PAX2: variants seen among roughly 807,000 people sequenced by gnomAD.
PAX2 encodes the protein paired box protein Pax-2.
A neutral mutation model predicts 41.7 loss-of-function variants in PAX2; 9 were observed. The observed-to-expected ratio is 0.22, with a 90% confidence interval of 0.13 to 0.38. The LOEUF (loss-of-function observed/expected upper bound fraction) is 0.38. PAX2 is among the 10% of genes least tolerant of loss of function. The probability of loss-of-function intolerance (pLI) is 1.00; values close to 1 mark genes in which losing one functional copy is unlikely to be tolerated. For missense variants in PAX2, 418 were observed against 531.6 expected (o/e 0.79, Z 2.10); for synonymous variants, 221 against 212.7 (o/e 1.04, Z -0.34).
chr10:100,814,782 G>T (rs1328177023), intron 7 of PAX2, among the ~76,000 whole-genome samples: 1 of 152,228 alleles, frequency 6.6e-6, no homozygotes, highest in Non-Finnish European at 1.5e-5. Context: ...TCTCTTAATT[G>T]CTGAAGACTG....
chr10:100,781,412 C>G, intron 5 of PAX2, 47 bp downstream of exon 5: 1 of 1,608,596 alleles, frequency 6.2e-7, no homozygotes, highest in Non-Finnish European at 8.5e-7. Flanking sequence ...ATGCTTTGTC[C>G]TTGGACTCCA....
chr10:100,787,083 C>G (rs1846899052), intron 5 of PAX2: 2 of 840,212 alleles, frequency 2.4e-6, no homozygotes, highest in Admixed American at 4.2e-5. Context: ...AGAGAACATT[C>G]AGAGAGTGGG....
chr10:100,809,217 G>A lies in PAX2; in HGVS notation c.900G>A (p.Gln300=). 6.2e-7 allele frequency: 1 copy of A among 1,613,868 alleles called. No individual in the cohort carries two copies. Among genetic ancestry groups the A allele is most frequent in the Non-Finnish European group, 8.5e-7 (1 of 1,179,898 alleles). The change falls in exon 7 of 10, where the codon CAG becomes CAA. Residue 300 remains glutamine, a synonymous_variant. Coordinates refer to ENST00000355243, the MANE Select transcript of PAX2 (RefSeq NM_000278.5). ...TGGGCAGCAACGTGTCAGGCACACA[G>A]ACATACCCAGTTGTGACTGGTAAGG... ...PELGSNVSGT[Q]TYPVVTGRDM...
rs1174219884 is a variant in PAX2, at chr10:100,750,001, T to C, written c.212+87T>C. The C allele has an allele frequency of 3.4e-6, 5 of 1,472,372 alleles. No individual in the cohort carries two copies. In the African/African-American group the frequency reaches 5.6e-5, roughly 16 times the overall value. 91.2% of individuals were successfully genotyped at this position (1,472,372 alleles called of 1,614,324 possible). A position where few individuals can be genotyped will look rare whatever the true frequency, so the allele number is the denominator to read the frequency against. On this transcript the variant is annotated intron_variant, in intron 2 of 9. Coordinates refer to ENST00000355243, the MANE Select transcript of PAX2 (RefSeq NM_000278.5). The surrounding 1 kb of genome is among the most constrained non-coding windows in gnomAD (Gnocchi z 4.1). ...TCCAGCTGGAGGACGTGGCTAAAAG[T>C]CCAGCGTGCCAAGCCAGAGAGGGAG...
At chr10:100,823,094 A>G (rs1319416667) in intron 7 of PAX2, among the ~76,000 whole-genome samples, 2 of 152,222 alleles carry the variant, frequency 1.3e-5, no homozygotes, top group Non-Finnish European at 2.9e-5. Context: ...GAAATTGAGC[A>G]GATGTAACAG....
chr10:100,827,805 C>A lies in PAX2; in HGVS notation c.*186C>A. The A allele has an allele frequency of 2.4e-6, 2 of 849,566 alleles. No individual in the cohort carries two copies. The highest frequency in any genetic ancestry group is 1.7e-5 in the South Asian group (1 of 59,292). The allele number at this position is 849,566 out of a possible 1,614,324, so 52.6% of individuals were successfully genotyped here. A position where few individuals can be genotyped will look rare whatever the true frequency, so the allele number is the denominator to read the frequency against. ...CACCCCCCTCGAAGGTCGGACAGGA[C>A]GGGTGGAGCCGTGGGCGGGACCCTC... On this transcript the variant is annotated 3_prime_UTR_variant, in exon 10 of 10. Transcript: ENST00000355243. This position sits in a 1 kb window ranked among gnomAD's most constrained non-coding sequence, Gnocchi z 8.5.
upstream of PAX2, among the ~76,000 whole-genome samples, chr10:100,742,979 C>A (rs1845024087): frequency 6.7e-6 from 1 of 149,348 alleles, no homozygotes; most frequent in Admixed American, 6.8e-5. Flanking sequence ...GGATGAAGGC[C>A]AGCCCTTCAT....
intron 7 of PAX2, among the ~76,000 whole-genome samples, chr10:100,821,801 G>C (rs571802230): frequency 1.2e-4 from 18 of 152,288 alleles, no homozygotes; most frequent in African/African-American, 4.3e-4. Flanking sequence ...TTAAATTCCT[G>C]TTTATTAAGA....
chr10:100,769,985 C>T (rs970152253), intron 3 of PAX2, among the ~76,000 whole-genome samples: 2 of 152,086 alleles, frequency 1.3e-5, no homozygotes, highest in African/African-American at 2.4e-5. Context: ...TTTTGAAGGC[C>T]GGGCTGAAGA....
intron 3 of PAX2, 139 bp from the exon 4 acceptor site, chr10:100,779,359 G>A (rs747394577): frequency 1.9e-4 from 150 of 775,910 alleles, no homozygotes; most frequent in Non-Finnish European, 2.2e-4. Context: ...AGCAGTCAGT[G>A]AGGGCAGGGA....
In PAX2 at chr10:100,761,185, T is replaced by G. The variant is rs1437090226; in HGVS notation, c.410+10294T>G. On this transcript the variant is annotated intron_variant, in intron 3 of 9. Coordinates refer to ENST00000355243, the MANE Select transcript of PAX2 (RefSeq NM_000278.5). ...GAAATGGACTGTACGGGGTGGGGTGTGGTACCTTTTTTTTTTTAATTAGGG... is the reference window on the plus strand; with the variant it reads ...GAAATGGACTGTACGGGGTGGGGTGGGGTACCTTTTTTTTTTTAATTAGGG... Among the ~76,000 whole-genome samples the G allele has an allele frequency of 4.7e-5, 7 of 150,258 alleles. No individual in the cohort carries two copies. The South Asian group carries it at 6.3e-4, about 14-fold the overall frequency.
intron 3 of PAX2, among the ~76,000 whole-genome samples, chr10:100,762,381 G>A (rs1361062381): frequency 2.0e-5 from 3 of 152,124 alleles, no homozygotes; most frequent in Non-Finnish European, 4.4e-5. Flanking sequence ...AGGACATTGT[G>A]CATGCACGCC....
intron 3 of PAX2, among the ~76,000 whole-genome samples, chr10:100,756,592 C>T (rs1845641673): frequency 6.6e-6 from 1 of 152,190 alleles, no homozygotes; most frequent in Admixed American, 6.5e-5. Context: ...TTAAGGTAGG[C>T]TAGGCTGACC....
chr10:100,807,899 G>A (rs1044840144), intron 6 of PAX2, among the ~76,000 whole-genome samples: 13 of 152,154 alleles, frequency 8.5e-5, no homozygotes, highest in African/African-American at 2.7e-4. Context: ...CTCCCCGCCC[G>A]TCCTTTTATC....
At chr10:100,814,832 T>G (rs1848132463) in intron 7 of PAX2, among the ~76,000 whole-genome samples, 1 of 152,134 alleles carries the variant, frequency 6.6e-6, no homozygotes, top group Admixed American at 6.5e-5. Flanking sequence ...CAGGAAGAGA[T>G]GTGGATGCTG....
At chr10:100,770,199 G>A in intron 3 of PAX2, among the ~76,000 whole-genome samples, 1 of 152,206 alleles carries the variant, frequency 6.6e-6, no homozygotes. Context: ...AGGGAGGTGA[G>A]CATGCCTGTG....
intron 1 of PAX2, chr10:100,747,522 C>T: frequency 1.6e-6 from 1 of 612,120 alleles, no homozygotes; most frequent in Non-Finnish European, 2.0e-6. Flanking sequence ...AAAACTCCTC[C>T]CTATCTGCAG....
chr10:100,818,238 G>C (rs75520585), intron 7 of PAX2, among the ~76,000 whole-genome samples: 17 of 152,152 alleles, frequency 1.1e-4, no homozygotes, highest in Admixed American at 3.3e-4. Context: ...TGAACTCCTC[G>C]ATAGAACTTT....
At chr10:100,744,386 A>G (rs1438011506), upstream of PAX2, among the ~76,000 whole-genome samples, 2 of 152,256 alleles carry the variant, frequency 1.3e-5, no homozygotes, top group Admixed American at 1.3e-4. Context: ...GAGACGAGGG[A>G]AAATATTTCA....
Sources: allele counts gnomAD v4.1 joint callset (sites outside exome capture counted in the v4.1 genomes callset), GRCh38; gene constraint gnomAD v4.1.1; non-coding constraint Gnocchi (gnomAD v3.1); transcripts MANE v1.5; gene names NCBI Gene and HGNC (gene_info 2026-07-23, HGNC 2026-07-21).